The following AQP9 variants were observed in gnomAD, a reference collection of about 807,000 sequenced individuals.
AQP9 encodes aquaporin-9.
A neutral mutation model predicts 23.8 loss-of-function variants in AQP9; 19 were observed. The observed-to-expected ratio is 0.80, with a 90% CI of 0.56 to 1.17. The LOEUF (loss-of-function observed/expected upper bound fraction) is 1.17. AQP9 is among the 50% of genes most tolerant of loss of function. The pLI is 0.00. For synonymous variants in AQP9, 153 were observed against 131.5 expected, an observed-to-expected ratio of 1.16 and a Z score of -1.12; for missense variants, 413 against 362.0, an observed-to-expected ratio of 1.14 and a Z score of -1.14.
At chr15:58,183,878 G>C in intron 5 of AQP9, 83 bp from the exon 6 acceptor site, 1 of 1,454,274 alleles carries the variant, frequency 6.9e-7, no homozygotes, top group South Asian at 1.3e-5. Flanking sequence ...GTGTGAGAAA[G>C]ACTAACAAGT....
intron 1 of AQP9, chr15:58,154,319 C>T (rs908395049): frequency 3.3e-5 from 5 of 152,102 alleles, no homozygotes; most frequent in Non-Finnish European, 7.4e-5. Flanking sequence ...ATTACCATAC[C>T]TGCCCCAAAA....
At chr15:58,179,701 A>T (rs1433053000) in intron 5 of AQP9, among the ~76,000 whole-genome samples, 1 of 152,192 alleles carries the variant, frequency 6.6e-6, no homozygotes, top group Non-Finnish European at 1.5e-5. Flanking sequence ...TTGGGCTACA[A>T]TTTGCATCCT....
At chr15:58,173,281 A>T in intron 3 of AQP9, 76 bp downstream of exon 3, 1 of 1,587,800 alleles carries the variant, frequency 6.3e-7, no homozygotes, top group South Asian at 1.1e-5. Flanking sequence ...TGGTAGGCAC[A>T]GGCGAGAAAA....
intron 1 of AQP9, among the ~76,000 whole-genome samples, chr15:58,161,971 T>C (rs562881593): frequency 3.3e-5 from 5 of 152,220 alleles, no homozygotes; most frequent in East Asian, 3.9e-4. Context: ...TAGAAGCTGT[T>C]ACAGAGAAAA....
At chr15:58,167,345 A>G (rs1394052952) in intron 2 of AQP9, among the ~76,000 whole-genome samples, 1 of 152,238 alleles carries the variant, frequency 6.6e-6, no homozygotes, top group African/African-American at 2.4e-5. Flanking sequence ...TGATAATTTA[A>G]TGCAGTCTGG....
At chr15:58,141,119 G>A (rs1465393151) in intron 1 of AQP9, among the ~76,000 whole-genome samples, 1 of 152,202 alleles carries the variant, frequency 6.6e-6, no homozygotes, top group Non-Finnish European at 1.5e-5. Context: ...ACTAGTGTGG[G>A]GGGAAAGTTT....
chr15:58,179,404 C>G, intron 5 of AQP9, 59 bp downstream of exon 5: 1 of 1,484,050 alleles, frequency 6.7e-7, no homozygotes, highest in Non-Finnish European at 9.1e-7. Context: ...ACCAGTGGGG[C>G]GGGGCTTTGA....
chr15:58,152,543 G>A (rs1281287452), intron 1 of AQP9: 4 of 152,022 alleles, frequency 2.6e-5, no homozygotes, highest in Non-Finnish European at 4.4e-5. Context: ...TTAGATTGTG[G>A]ATCTAATAAC....
intron 1 of AQP9, among the ~76,000 whole-genome samples, chr15:58,145,396 A>T (rs1595727001): frequency 6.6e-6 from 1 of 151,854 alleles, no homozygotes; most frequent in African/African-American, 2.4e-5. Flanking sequence ...CCAGCTACTC[A>T]GGAGGCTGAG....
At chr15:58,171,088 C>T (rs1428654365) in intron 2 of AQP9, among the ~76,000 whole-genome samples, 13 of 143,006 alleles carry the variant, frequency 9.1e-5, no homozygotes, top group Admixed American at 7.6e-4. Context: ...CCACGCCCAA[C>T]TAATTTTTTT....
chr15:58,148,070 C>A (rs1898081204), intron 1 of AQP9, among the ~76,000 whole-genome samples: 1 of 152,104 alleles, frequency 6.6e-6, no homozygotes, highest in African/African-American at 2.4e-5. Context: ...AAAACTTGTA[C>A]ATATTCATAT....
chr15:58,153,925 C>T (rs1295363735), intron 1 of AQP9: 2 of 152,136 alleles, frequency 1.3e-5, no homozygotes, highest in Non-Finnish European at 1.5e-5. Flanking sequence ...CAGAAATAAC[C>T]CTTTCCTAAT....
At chr15:58,167,631 C>G (rs1219869824) in intron 2 of AQP9, among the ~76,000 whole-genome samples, 1 of 152,178 alleles carries the variant, frequency 6.6e-6, no homozygotes, top group Non-Finnish European at 1.5e-5. Flanking sequence ...AGCCCTGCAG[C>G]TGGTAAAGAA....
At chr15:58,166,610 AG>A in intron 1 of AQP9, 62 bp from the exon 2 acceptor site, 1 of 1,531,382 alleles carries the variant, frequency 6.5e-7, no homozygotes, top group East Asian at 2.3e-5. Context: ...TGCTACTGTG[AG>A]TTTCCATTAC....
rs1898956607 is a variant in AQP9, at chr15:58,184,099, C to G, written c.852C>G (p.Asp284Glu). ...TCTTTAAGACAGAACAATCTGAGGA[C>G]AAACCAGAGAAATATGAACTCAGTG... ...DSVFKTEQSE[D>E]KPEKYELSVI... Residue 284 changes from aspartate (D) to glutamate (E), a missense_variant, in exon 6 of 6, where the codon GAC (aspartate) becomes GAG (glutamate). Transcript: ENST00000219919. 1.9e-6 allele frequency: 3 copies of G among 1,613,950 alleles called. No homozygotes were observed. The Admixed American group carries it at 5.0e-5, about 27-fold the overall frequency.
rs1256890635 is a variant in AQP9, at chr15:58,184,405, G to C, written c.*270G>C. ...TGCCCTGTTTATTTCATCCTCGATG[G>C]GAATTCTTGCTAGGTAAGCACTAAT... On this transcript the variant is annotated 3_prime_UTR_variant, in exon 6 of 6. Transcript: ENST00000219919. 5.8e-6 allele frequency: 2 copies of C among 347,120 alleles called. No homozygotes were observed. Among genetic ancestry groups the C allele is most frequent in the African/African-American group, 4.2e-5 (2 of 47,412 alleles). The allele number at this position is 347,120 out of a possible 1,614,324, so 21.5% of individuals were successfully genotyped here.
chr15:58,148,453 G>A (rs1240476462), intron 1 of AQP9, among the ~76,000 whole-genome samples: 1 of 152,096 alleles, frequency 6.6e-6, no homozygotes, highest in South Asian at 2.1e-4. Context: ...TGCAGACCCT[G>A]GAAACACATC....
At chr15:58,159,666 C>T (rs952550518) in intron 1 of AQP9, among the ~76,000 whole-genome samples, 14 of 152,114 alleles carry the variant, frequency 9.2e-5, no homozygotes, top group African/African-American at 2.7e-4. Context: ...CTTTCCTCCG[C>T]CCTTTCTTGA....
intron 1 of AQP9, among the ~76,000 whole-genome samples, chr15:58,160,885 G>A (rs1898365180): frequency 6.6e-6 from 1 of 152,156 alleles, no homozygotes; most frequent in Non-Finnish European, 1.5e-5. Flanking sequence ...TCTGAAAGGT[G>A]CAGCATAGCA....
Sources: allele counts gnomAD v4.1 joint callset (sites outside exome capture counted in the v4.1 genomes callset), GRCh38; gene constraint gnomAD v4.1.1; transcripts MANE v1.5; gene names NCBI Gene and HGNC (gene_info 2026-07-23, HGNC 2026-07-21).